The following RHOT2 variants were observed in gnomAD, a reference collection of about 807,000 sequenced individuals.
The protein encoded by RHOT2 is ras homolog family member T2.
In RHOT2, 90 loss-of-function variants were observed where a neutral mutation model predicts 81.6. The observed-to-expected ratio is 1.10, with a 90% CI of 0.93 to 1.31. The LOEUF is 1.31. RHOT2 is among the 40% of genes most tolerant of loss of function. The probability of loss-of-function intolerance (pLI) is 0.00; values close to 1 mark genes in which losing one functional copy is unlikely to be tolerated. For missense variants in RHOT2, 1,014 were observed against 841.9 expected, an observed-to-expected ratio of 1.20 and a Z score of -2.53; for synonymous variants, 512 against 370.9, an observed-to-expected ratio of 1.38 and a Z score of -4.37.
chr16:669,965 C>T (rs935420053), intron 5 of RHOT2, 158 bp from the exon 6 acceptor site: 3 of 665,856 alleles, frequency 4.5e-6, no homozygotes, highest in African/African-American at 3.6e-5. Context: ...GCACCTGCTG[C>T]CTGCCTTCTC....
At position 673,469 on chromosome 16, in the gene RHOT2, C is replaced by A. The variant is rs1003608515; in HGVS notation, c.1731-11C>A. On this transcript the variant is annotated splice_polypyrimidine_tract_variant and intron_variant, in intron 18 of 18. Transcript: ENST00000315082. ...CCTGAGGTATCTGCAGATGATTCTT[C>A]TCTCTTGCAGACATTTGGTCCACGC... The A allele has an allele frequency of 1.2e-6, 2 of 1,612,534 alleles. No homozygotes were observed. The highest frequency in any genetic ancestry group is 1.7e-6 in the Non-Finnish European group (2 of 1,179,928).
rs1204025867 is a variant in RHOT2 at position 668,250 on chromosome 16, C to T, written c.37+14C>T. 1.3e-6 allele frequency: 1 copy of T among 783,038 alleles called. No individual in the cohort carries two copies. The allele number at this position is 783,038 out of a possible 1,614,324, so 48.5% of individuals were successfully genotyped here. On this transcript the variant is annotated intron_variant, in intron 1 of 18. Coordinates refer to ENST00000315082, the MANE Select transcript of RHOT2 (RefSeq NM_138769.3). ...TACTGGGCGAGGGTAGGCGCCGGCC[C>T]GGGGGTCTCGGAGCTGCGGCGGCCG...
chr16:669,078 G>A, intron 4 of RHOT2: 1 of 391,986 alleles, frequency 2.6e-6, no homozygotes, highest in Non-Finnish European at 4.6e-6. Flanking sequence ...ACATCTCCAG[G>A]CAAGGGCACA....
In RHOT2 at chr16:670,154, G is replaced by A; in HGVS notation, c.308G>A (p.Gly103Glu). 6.3e-7 allele frequency: 1 copy of A among 1,592,506 alleles called. No homozygotes were observed. Among genetic ancestry groups the A allele is most frequent in the Non-Finnish European group, 8.5e-7 (1 of 1,170,650 alleles). The part of the protein sequence containing the change: ...IRTKWIPLVN[G>E]GTTQGPRVPI... The stretch of plus-strand genomic sequence containing the variant: ...ACTAAGTGGATCCCACTGGTGAATG[G>A]GGGGACCACGCAGGGGCCCAGGTAA... Residue 103 changes from glycine to glutamate, a missense_variant, in exon 6 of 19, where the codon GGG becomes GAG. Physicochemically the swap from Gly to Glu is moderately conservative, Grantham distance 98 (BLOSUM62 -2). Transcript: ENST00000315082.
chr16:669,258 T>A (rs7202316), intron 4 of RHOT2: 1 of 522,624 alleles, frequency 1.9e-6, no homozygotes, highest in South Asian at 2.1e-5. Flanking sequence ...AGGGTCTTGC[T>A]GACCACAGTT....
In RHOT2 at chr16:670,522, C is replaced by T; in HGVS notation, c.505C>T (p.Pro169Ser). 6.2e-7 allele frequency: 1 copy of T among 1,608,186 alleles called. No individual in the cohort carries two copies. Among genetic ancestry groups the T allele is most frequent in the Non-Finnish European group, 8.5e-7 (1 of 1,177,526 alleles). The change falls in exon 8 of 19, where the codon CCC (proline) becomes TCC (serine). Residue 169 changes from proline (P) to serine (S), a missense_variant. By Grantham distance (74) the Pro-to-Ser change is moderately conservative. Coordinates refer to ENST00000315082, the MANE Select transcript of RHOT2 (RefSeq NM_138769.3). ...FYYAQKAVLH[P>S]TAPLYDPEAK... The stretch of plus-strand genomic sequence containing the variant: ...CTACGCCCAGAAGGCCGTCCTGCAT[C>T]CCACAGCCCCCCTCTATGACCCTGA...
rs775248124 is a variant in RHOT2 at position 673,140 on chromosome 16, C to G, written c.1730+10C>G. 5.6e-6 allele frequency: 9 copies of G among 1,609,356 alleles called. No homozygotes were observed. In the African/African-American group the frequency reaches 1.2e-4, roughly 21 times the overall value. On this transcript the variant is annotated intron_variant, in intron 18 of 18. Transcript: ENST00000315082. ...CCATGGCCGCCTTCCCGTGGGTACC[C>G]AGTAGCGCAGCCCTGGGGACTAGCA...
chr16:670,470 C>T lies in RHOT2; in HGVS notation c.453C>T (p.Asn151=). 1.9e-6 allele frequency: 3 copies of T among 1,606,768 alleles called. No individual in the cohort carries two copies. Among genetic ancestry groups the T allele is most frequent in the Non-Finnish European group, 8.5e-7 (1 of 1,176,642 alleles). The change falls in exon 8 of 19, where the codon AAC becomes AAT. Residue 151 remains asparagine (N), a synonymous_variant. Transcript: ENST00000315082. Reference sequence around the variant, plus strand: ...CACTTTCCCAGTGTTCGGCCAAGAACCTGAGGAACATCTCAGAGCTGTTCT... The same window carrying T: ...CACTTTCCCAGTGTTCGGCCAAGAATCTGAGGAACATCTCAGAGCTGTTCT... ...IETCVECSAK[N]LRNISELFYY... is the part of the protein sequence containing the mutation.
rs374450094 is a variant in RHOT2 at position 671,982 on chromosome 16, C to T, written c.1077C>T (p.His359=). 1.9e-5 allele frequency: 30 copies of T among 1,611,948 alleles called. No individual in the cohort carries two copies. Among genetic ancestry groups the T allele is most frequent in the African/African-American group, 8.0e-5 (6 of 74,924 alleles). The stretch of plus-strand genomic sequence containing the variant: ...CAGAGGCCGGCCGGTTGCCCCTGCA[C>T]GGATACCTCTGCCAGTGGACGTAAG... ...VRTEAGRLPL[H]GYLCQWTLVT... is the part of the protein sequence containing the mutation. Residue 359 remains histidine (H), a synonymous_variant, in exon 13 of 19, where the codon CAC becomes CAT. Transcript: ENST00000315082.
Position 671,135 on chromosome 16 carries a change from C to G in RHOT2, c.801C>G (p.Thr267=). 1 of 1,605,672 alleles carries G rather than the reference C, an allele frequency of 6.2e-7. No individual in the cohort carries two copies. The highest frequency in any genetic ancestry group is 8.5e-7 in the Non-Finnish European group (1 of 1,177,708). ...TCCAGCGCGGCCGGCACGAGACCAC[C>G]TGGACCATCCTGCGGCGCTTCGGCT... ...LFIQRGRHET[T]WTILRRFGYS... is the part of the protein sequence containing the mutation. The change falls in exon 11 of 19, where the codon ACC becomes ACG. Residue 267 remains threonine (T), a synonymous_variant. Transcript: ENST00000315082.
rs202245581 is a variant in RHOT2 at position 672,676 on chromosome 16, C to A, written c.1405-27C>A. ...CCTAGGGGGACCGAGCCCCAGGGAC[C>A]CTTCCTAAGGCCGCTGTCTGTCCCA... On this transcript the variant is annotated intron_variant, in intron 16 of 18. Transcript: ENST00000315082. 43 of 1,611,716 alleles carry A rather than the reference C, an allele frequency of 2.7e-5. No homozygotes were observed. In the East Asian group the frequency reaches 9.1e-4, roughly 34 times the overall value.
Position 668,557 on chromosome 16 carries a change from G to A in RHOT2, c.166G>A (p.Val56Met). 6.2e-7 allele frequency: 1 copy of A among 1,610,610 alleles called. No homozygotes were observed. The highest frequency in any genetic ancestry group is 8.5e-7 in the Non-Finnish European group (1 of 1,179,060). The stretch of plus-strand genomic sequence containing the variant: ...CCCGGAGAAGGTGCCCACCCACATC[G>A]TGGACTACTCAGGTAGCGGCCGTAG... ...VTPEKVPTHI[V>M]DYSEAEQTDE... Residue 56 changes from valine (V) to methionine (M), a missense_variant, in exon 3 of 19, where the codon GTG (valine) becomes ATG (methionine). Transcript: ENST00000315082.
At position 673,117 on chromosome 16, in the gene RHOT2, A is replaced by T. The variant is rs746531532; in HGVS notation, c.1717A>T (p.Met573Leu). The change falls in exon 18 of 19, where the codon ATG becomes TTG. Residue 573 changes from methionine (M) to leucine (L), a missense_variant. Physicochemically the swap from Met to Leu is conservative, Grantham distance 15. Transcript: ENST00000315082. ...CACCATCTTCACCCAGCTCGCCACC[A>T]TGGCCGCCTTCCCGTGGGTACCCAG... ...STTIFTQLAT[M>L]AAFPHLVHAE... 2 of 1,610,948 alleles carry T rather than the reference A, an allele frequency of 1.2e-6. No homozygotes were observed. The highest frequency in any genetic ancestry group is 3.3e-5 in the Admixed American group (2 of 60,012).
In RHOT2 at chr16:672,559, A is replaced by T. The variant is rs571913676; in HGVS notation, c.1397A>T (p.Tyr466Phe). Residue 466 changes from tyrosine (Y) to phenylalanine (F), a missense_variant, in exon 16 of 19, where the codon TAC (tyrosine) becomes TTC (phenylalanine). Tyr to Phe is a conservative substitution (Grantham distance 22). Coordinates refer to ENST00000315082, the MANE Select transcript of RHOT2 (RefSeq NM_138769.3). ...DTVQVNGQEK[Y>F]LILCEVGTDG... ...GTGCAGGTCAATGGACAGGAGAAGT[A>T]CTTGATCGTGAGTGCTGGGGCGGCG... 2.5e-6 allele frequency: 4 copies of T among 1,612,528 alleles called. No homozygotes were observed. The East Asian group carries it at 8.9e-5, about 36-fold the overall frequency.
chr16:668,890 GC>G, intron 4 of RHOT2, 191 bp downstream of exon 4: 1 of 563,418 alleles, frequency 1.8e-6, no homozygotes, highest in African/African-American at 2.0e-5. Context: ...GTCCAGTGGT[GC>G]TCCAGGGATA....
Position 672,997 on chromosome 16 carries a change from G to C in RHOT2, c.1597G>C (p.Ala533Pro), listed in dbSNP as rs61745203. The change falls in exon 18 of 19, where the codon GCG (alanine) becomes CCG (proline). Residue 533 changes from alanine (A) to proline (P), a missense_variant. Physicochemically the swap from Ala to Pro is conservative, Grantham distance 27. Transcript: ENST00000315082. ...CAAGGCCGACCTGCCCGAAGGTGTC[G>C]CGGTGTCTGGCCCATCACCGGCCGA... ...SSKADLPEGV[A>P]VSGPSPAEFC... The C allele has an allele frequency of 5.0e-6, 8 of 1,612,674 alleles. No homozygotes were observed. The highest frequency in any genetic ancestry group is 6.8e-6 in the Non-Finnish European group (8 of 1,179,990).
In RHOT2 at chr16:673,527, G is replaced by T. The variant is rs200168399; in HGVS notation, c.1778G>T (p.Gly593Val). ...CATCCCTCTTCCTTCTGGCTCCGGGGGCTGCTGGGGGTTGTCGGGGCCGCC... is the reference window on the plus strand; with the variant it reads ...CATCCCTCTTCCTTCTGGCTCCGGGTGCTGCTGGGGGTTGTCGGGGCCGCC... ...ELHPSSFWLRGLLGVVGAAVA... is the reference protein window; with the variant it reads ...ELHPSSFWLRVLLGVVGAAVA... The change falls in exon 19 of 19, where the codon GGG becomes GTG. Residue 593 changes from glycine (G) to valine (V), a missense_variant. By Grantham distance (109) the Gly-to-Val change is moderately radical (BLOSUM62 -3). Transcript: ENST00000315082. 3 of 1,612,648 alleles carry T rather than the reference G, an allele frequency of 1.9e-6. No homozygotes were observed. The highest frequency in any genetic ancestry group is 1.1e-5 in the South Asian group (1 of 91,076).
In RHOT2 at chr16:668,170, C is replaced by T. The variant is rs2038220966; in HGVS notation, c.-30C>T. ...TGAGGACCAGGTCGGGGCCGGGTTCCGGGTCGGGGAGCGGCTCCGGGCGGC... is the reference window on the plus strand; with the variant it reads ...TGAGGACCAGGTCGGGGCCGGGTTCTGGGTCGGGGAGCGGCTCCGGGCGGC... On this transcript the variant is annotated 5_prime_UTR_variant, in exon 1 of 19. Coordinates refer to ENST00000315082, the MANE Select transcript of RHOT2 (RefSeq NM_138769.3). 1 of 451,824 alleles carries T rather than the reference C, an allele frequency of 2.2e-6. No individual in the cohort carries two copies. The highest frequency in any genetic ancestry group is 3.9e-6 in the Non-Finnish European group (1 of 259,632). 28.0% of individuals were successfully genotyped at this position (451,824 alleles called of 1,614,324 possible). A position where few individuals can be genotyped will look rare whatever the true frequency, so the allele number is the denominator to read the frequency against.
At position 673,049 on chromosome 16, in the gene RHOT2, C is replaced by T. The variant is rs1462800267; in HGVS notation, c.1649C>T (p.Ala550Val). 6.2e-7 allele frequency: 1 copy of T among 1,612,030 alleles called. No homozygotes were observed. The part of the protein sequence containing the change: ...AEFCRKHRLP[A>V]PVPFSCAGPA... ...TTTTGCCGCAAGCACCGGCTACCCGCTCCCGTGCCGTTCTCCTGTGCTGGC... is the reference window on the plus strand; with the variant it reads ...TTTTGCCGCAAGCACCGGCTACCCGTTCCCGTGCCGTTCTCCTGTGCTGGC... The change falls in exon 18 of 19, where the codon GCT becomes GTT. Residue 550 changes from alanine to valine, a missense_variant. Transcript: ENST00000315082.
Sources: gnomAD v4.1 joint callset for allele counts on GRCh38, gnomAD v4.1.1 for gene constraint, MANE v1.5 for transcripts, NCBI Gene and HGNC (gene_info 2026-07-23, HGNC 2026-07-21) for gene names.